Variants in ATP10A observed in about 807,000 individuals in gnomAD.
ATP10A encodes phospholipid-transporting ATPase VA.
Under a neutral mutation model 147.8 loss-of-function variants are expected in ATP10A, and 111 were observed. The ratio of observed to expected loss-of-function variants is 0.75; its 90% confidence interval spans 0.64 to 0.88. The LOEUF (loss-of-function observed/expected upper bound fraction) is 0.88, where lower values mean the gene tolerates loss of function less well. Among genes scored for constraint, ATP10A ranks in the 40% least tolerant of loss-of-function variants. The probability of loss-of-function intolerance (pLI) is 0.00; values close to 1 mark genes in which losing one functional copy is unlikely to be tolerated. For synonymous variants in ATP10A, 875 were observed against 841.6 expected (o/e 1.04, Z -0.69); for missense variants, 1,927 against 1,959.0 (o/e 0.98, Z 0.31).
In ATP10A at chr15:25,748,084, T is replaced by C. The variant is rs1171386991; in HGVS notation, c.655-11943A>G. On this transcript the variant is annotated intron_variant, in intron 2 of 20. Transcript: ENST00000555815. The stretch of plus-strand genomic sequence containing the variant: ...TTCATGCCATTCTCCTGCCTCAGCC[T>C]CCCGAGTAGCTGGGACTACAGGCAC... Among the ~76,000 whole-genome samples, 8 of 152,188 alleles carry C rather than the reference T, an allele frequency of 5.3e-5. No homozygotes were observed. The East Asian group carries it at 1.5e-3, about 29-fold the overall frequency.
chr15:25,760,108 T>G (rs1888677750), intron 2 of ATP10A, among the ~76,000 whole-genome samples: 1 of 152,038 alleles, frequency 6.6e-6, no homozygotes, highest in African/African-American at 2.4e-5. Context: ...GCTATGTAAT[T>G]TAAACCTTGG....
At chr15:25,718,844 A>G (rs972228060) in intron 7 of ATP10A, among the ~76,000 whole-genome samples, 5 of 152,136 alleles carry the variant, frequency 3.3e-5, no homozygotes, top group Non-Finnish European at 5.9e-5. Flanking sequence ...GGTGGCCACC[A>G]TCTGCTCCTG....
At chr15:25,855,748 A>G (rs1597006622) in intron 1 of ATP10A, among the ~76,000 whole-genome samples, 1 of 152,352 alleles carries the variant, frequency 6.6e-6, no homozygotes, top group Admixed American at 6.5e-5. Context: ...TTGAAAGGGA[A>G]TAAGTAAAAC....
At chr15:25,849,196 G>A (rs967666412) in intron 1 of ATP10A, among the ~76,000 whole-genome samples, 2 of 152,066 alleles carry the variant, frequency 1.3e-5, no homozygotes, top group African/African-American at 2.4e-5. Flanking sequence ...CTGGGGTGAT[G>A]AGAGCAGGTG....
intron 2 of ATP10A, among the ~76,000 whole-genome samples, chr15:25,761,528 G>A (rs1042058473): frequency 2.0e-5 from 3 of 152,346 alleles, no homozygotes; most frequent in African/African-American, 7.2e-5. Flanking sequence ...GCCAGGAGTG[G>A]GGCTGTACCC....
At chr15:25,791,731 G>A (rs1331713258) in intron 1 of ATP10A, among the ~76,000 whole-genome samples, 1 of 152,050 alleles carries the variant, frequency 6.6e-6, no homozygotes, top group South Asian at 2.1e-4. Flanking sequence ...TCTTGACCAC[G>A]AAACCTGTGA....
At chr15:25,726,910 AGG>A (rs1902599579) in intron 4 of ATP10A, among the ~76,000 whole-genome samples, 18 of 140,776 alleles carry the variant, frequency 1.3e-4, no homozygotes, top group African/African-American at 4.5e-4. Context: ...AAAAAAAAAA[AGG>A]AGCCGGGCGT....
At chr15:25,696,025 C>CTAGG (rs1269036664) in intron 13 of ATP10A, among the ~76,000 whole-genome samples, 1 of 151,984 alleles carries the variant, frequency 6.6e-6, no homozygotes, top group Non-Finnish European at 1.5e-5. Context: ...GGTAGCAGCA[C>CTAGG]TAGGGATCAG....
chr15:25,817,721 G>C (rs149980237), intron 1 of ATP10A, among the ~76,000 whole-genome samples: 216 of 152,260 alleles, frequency 1.4e-3, no homozygotes, highest in African/African-American at 5.0e-3. Context: ...TCAATTGTCA[G>C]TTCAGCTCAA....
intron 1 of ATP10A, among the ~76,000 whole-genome samples, chr15:25,782,188 T>C (rs551072567): frequency 6.6e-6 from 1 of 152,312 alleles, no homozygotes; most frequent in South Asian, 2.1e-4. Context: ...CCGGTTCCAC[T>C]TAATATAAGG....
chr15:25,781,235 AT>A lies in ATP10A; in HGVS notation c.450-13del. 6.2e-7 allele frequency: 1 copy of A among 1,604,394 alleles called. No individual in the cohort carries two copies. Among genetic ancestry groups the A allele is most frequent in the Non-Finnish European group, 8.5e-7 (1 of 1,174,770 alleles). ...ATTTCTTTTCTTCCCTAGAAAACAGATTTTGATTAACAAAACTCACGAGACA... is the reference window on the plus strand; with the variant it reads ...ATTTCTTTTCTTCCCTAGAAAACAGATTTGATTAACAAAACTCACGAGACA... On this transcript the variant is annotated splice_polypyrimidine_tract_variant and intron_variant, in intron 1 of 20. Coordinates refer to ENST00000555815, the MANE Select transcript of ATP10A (RefSeq NM_024490.4).
intron 2 of ATP10A, among the ~76,000 whole-genome samples, chr15:25,771,972 G>A (rs1889360976): frequency 6.6e-6 from 1 of 151,920 alleles, no homozygotes; most frequent in Non-Finnish European, 1.5e-5. Flanking sequence ...GGCTGGTCTT[G>A]AACTCCTGAT....
intron 4 of ATP10A, among the ~76,000 whole-genome samples, chr15:25,726,753 T>C (rs1471359755): frequency 6.6e-6 from 1 of 150,758 alleles, no homozygotes; most frequent in Non-Finnish European, 1.5e-5. Context: ...ATGCTACTCT[T>C]AGAAAACGGT....
chr15:25,803,184 A>T (rs11630501), intron 1 of ATP10A, among the ~76,000 whole-genome samples: 146,983 of 152,244 alleles, frequency 0.97, 71,211 homozygotes, highest in East Asian at 1. Context: ...ACAGCTGGCC[A>T]GTGACACTGG....
At chr15:25,706,805 G>A (rs1041009116) in intron 12 of ATP10A, among the ~76,000 whole-genome samples, 1 of 152,208 alleles carries the variant, frequency 6.6e-6, no homozygotes, top group African/African-American at 2.4e-5. Flanking sequence ...GTGCCCCACA[G>A]TGAAGGGTTA....
chr15:25,708,381 C>T (rs972024453), intron 10 of ATP10A, 81 bp from the exon 11 acceptor site: 34 of 1,241,976 alleles, frequency 2.7e-5, no homozygotes, highest in South Asian at 1.1e-4. Context: ...ATTTACCCCA[C>T]GTCTGTTCGT....
chr15:25,776,692 G>A (rs972983185), intron 2 of ATP10A, among the ~76,000 whole-genome samples: 4 of 152,188 alleles, frequency 2.6e-5, no homozygotes, highest in African/African-American at 7.2e-5. Context: ...CCATCAGCCC[G>A]GTGTCTAGGC....
Position 25,820,585 on chromosome 15 carries a change from A to G in ATP10A, c.450-39362T>C, listed in dbSNP as rs182653039. 2.6e-3 allele frequency among the ~76,000 whole-genome samples: 394 copies of G among 152,344 alleles called. 3 individuals are homozygous for G. Among genetic ancestry groups the G allele is most frequent in the African/African-American group, 8.9e-3 (369 of 41,574 alleles). ...ATTTCAGAGGTGGGTTTTCACCACT[A>G]TGTGTTGAAATGTTTATAAATGTTC... On this transcript the variant is annotated intron_variant, in intron 1 of 20. Transcript: ENST00000555815.
intron 2 of ATP10A, chr15:25,738,519 T>A (rs1567346139): frequency 6.6e-6 from 1 of 152,246 alleles, no homozygotes; most frequent in Admixed American, 6.5e-5. Context: ...TTTACTGCCA[T>A]GCCACCCTGA....
Sources: gnomAD v4.1 joint callset for allele counts (sites outside exome capture counted in the v4.1 genomes callset) on GRCh38, gnomAD v4.1.1 for gene constraint, MANE v1.5 for transcripts, NCBI Gene and HGNC (gene_info 2026-07-23, HGNC 2026-07-21) for gene names.